Variants in DCC observed in about 807,000 individuals in gnomAD.
The protein encoded by DCC is DCC netrin 1 receptor, also known as netrin receptor DCC.
In DCC, 58 loss-of-function variants were observed where a neutral mutation model predicts 172.5. The ratio of observed to expected loss-of-function variants is 0.34; its 90% CI spans 0.27 to 0.42. The LOEUF is 0.42. Among genes scored for constraint, DCC ranks in the 10% least tolerant of loss-of-function variants. DCC has a pLI of 1.00. For synonymous variants in DCC, 709 were observed against 644.5 expected (o/e 1.10, Z -1.52); for missense variants, 1,740 against 1,791.0 (o/e 0.97, Z 0.51).
intron 1 of DCC, among the ~76,000 whole-genome samples, chr18:52,540,275 A>G (rs2032401339): frequency 6.6e-6 from 1 of 152,090 alleles, no homozygotes. Context: ...GTCTCTAAAA[A>G]AAATTTTTTT....
chr18:53,421,575 G>T (rs541307926), intron 21 of DCC, among the ~76,000 whole-genome samples: 13 of 152,254 alleles, frequency 8.5e-5, no homozygotes, highest in African/African-American at 3.1e-4. Context: ...TTGTGGTAAT[G>T]GCTGATAATG....
chr18:52,602,686 C>T (rs183976981), intron 1 of DCC, among the ~76,000 whole-genome samples: 6,151 of 140,492 alleles, frequency 0.044, 161 homozygotes, highest in Non-Finnish European at 0.06. Context: ...ACAAAAGAGA[C>T]GACTTTTTTT....
At chr18:53,069,037 G>T (rs2042615734) in intron 7 of DCC, among the ~76,000 whole-genome samples, 1 of 152,054 alleles carries the variant, frequency 6.6e-6, no homozygotes, top group Non-Finnish European at 1.5e-5. Context: ...GATGCCACTA[G>T]CCCCCAGACC....
chr18:52,701,246 G>T (rs940683266), intron 1 of DCC, among the ~76,000 whole-genome samples: 1 of 152,064 alleles, frequency 6.6e-6, no homozygotes, highest in Non-Finnish European at 1.5e-5. Flanking sequence ...ATTGAACAAG[G>T]AATAGTGCTT....
At chr18:53,164,365 C>G (rs1307222958) in intron 8 of DCC, among the ~76,000 whole-genome samples, 1 of 152,162 alleles carries the variant, frequency 6.6e-6, no homozygotes, top group East Asian at 1.9e-4. Context: ...TCCACCTCAG[C>G]CTCCTGAGTA....
chr18:52,973,206 G>T (rs1318018274), intron 5 of DCC, among the ~76,000 whole-genome samples: 3 of 151,950 alleles, frequency 2.0e-5, no homozygotes, highest in African/African-American at 4.8e-5. Context: ...TGGAAGATGG[G>T]GTTATAGCAA....
At chr18:52,774,684 A>T (rs774554875) in intron 2 of DCC, among the ~76,000 whole-genome samples, 16 of 152,052 alleles carry the variant, frequency 1.1e-4, no homozygotes, top group South Asian at 2.1e-4. Context: ...GGGAGCATAC[A>T]GTCGGGTCCT....
intron 12 of DCC, among the ~76,000 whole-genome samples, chr18:53,250,103 C>T (rs902172076): frequency 1.8e-4 from 28 of 151,750 alleles, no homozygotes; most frequent in Non-Finnish European, 4.4e-5. Flanking sequence ...GCAATTCTGC[C>T]CTTAAGAGAG....
chr18:52,794,730 C>T (rs2037839793), intron 2 of DCC, among the ~76,000 whole-genome samples: 1 of 151,992 alleles, frequency 6.6e-6, no homozygotes, highest in Non-Finnish European at 1.5e-5. Context: ...GAAAGGCTTT[C>T]AACTTTTTTT....
intron 2 of DCC, among the ~76,000 whole-genome samples, chr18:52,820,015 C>T (rs986174991): frequency 1.8e-4 from 27 of 152,274 alleles, no homozygotes; most frequent in African/African-American, 5.3e-4. Flanking sequence ...CCACCACGCC[C>T]AGCCAACTTG....
chr18:52,950,549 A>G (rs745994236), intron 5 of DCC, among the ~76,000 whole-genome samples: 3 of 152,200 alleles, frequency 2.0e-5, no homozygotes, highest in Non-Finnish European at 4.4e-5. Context: ...TGGCCAGGCC[A>G]TTTAACTCAC....
rs2144199639 is a variant in DCC at position 53,096,118 on chromosome 18, C to T, written c.1261+29952C>T. 1.3e-5 allele frequency among the ~76,000 whole-genome samples: 2 copies of T among 151,942 alleles called. 1 individual carries two copies. The highest frequency in any genetic ancestry group is 4.2e-4 in the South Asian group (2 of 4,800). ...CATGTATACATATGTAACTAACCAG[C>T]ACATTATGCACATGTACCCTAAAAC... On this transcript the variant is annotated intron_variant, in intron 7 of 28. Transcript: ENST00000442544.
At chr18:52,635,512 T>G (rs1208007267) in intron 1 of DCC, among the ~76,000 whole-genome samples, 1 of 152,228 alleles carries the variant, frequency 6.6e-6, no homozygotes, top group Non-Finnish European at 1.5e-5. Context: ...TTATATTATT[T>G]AAATTAGAAG....
chr18:52,601,307 A>G (rs1406485108), intron 1 of DCC, among the ~76,000 whole-genome samples: 1 of 151,918 alleles, frequency 6.6e-6, no homozygotes, highest in Non-Finnish European at 1.5e-5. Context: ...TCAAATTTCT[A>G]TTATTTATCT....
intron 5 of DCC, among the ~76,000 whole-genome samples, chr18:53,032,501 T>C (rs1450281805): frequency 6.6e-6 from 1 of 152,212 alleles, no homozygotes; most frequent in Non-Finnish European, 1.5e-5. Context: ...AGTCTAATTT[T>C]AGGTGCATTG....
At chr18:53,121,074 TG>T (rs2043477040) in intron 7 of DCC, among the ~76,000 whole-genome samples, 1 of 151,850 alleles carries the variant, frequency 6.6e-6, no homozygotes, top group African/African-American at 2.4e-5. Flanking sequence ...TAGATTGCTG[TG>T]AAATCTGGTG....
intron 1 of DCC, among the ~76,000 whole-genome samples, chr18:52,462,100 T>C (rs141577840): frequency 3.7e-4 from 56 of 152,166 alleles, no homozygotes; most frequent in African/African-American, 1.3e-3. Context: ...ATACCCAGAA[T>C]TCAACTGCTT....
chr18:52,523,529 G>A (rs774964816), intron 1 of DCC, among the ~76,000 whole-genome samples: 4 of 152,002 alleles, frequency 2.6e-5, no homozygotes, highest in Non-Finnish European at 4.4e-5. Flanking sequence ...ACATAAAAAA[G>A]CATCCATTAG....
chr18:53,131,711 T>A (rs2043654346), intron 7 of DCC, among the ~76,000 whole-genome samples: 2 of 151,934 alleles, frequency 1.3e-5, no homozygotes, highest in Non-Finnish European at 2.9e-5. Context: ...GAAAAGACAG[T>A]CAAATAAAGA....
Sources: allele counts gnomAD v4.1 joint callset (sites outside exome capture counted in the v4.1 genomes callset), GRCh38; gene constraint gnomAD v4.1.1; transcripts MANE v1.5; gene names NCBI Gene and HGNC (gene_info 2026-07-23, HGNC 2026-07-21).